SCAPER: variants seen among roughly 807,000 people sequenced by gnomAD.
SCAPER encodes S-phase cyclin A associated protein in the ER.
Under a neutral mutation model 182.2 loss-of-function variants are expected in SCAPER, and 98 were observed. The observed-to-expected ratio is 0.54, with a 90% confidence interval of 0.46 to 0.64. The LOEUF (loss-of-function observed/expected upper bound fraction) is 0.64. SCAPER is among the 30% of genes least tolerant of loss of function. SCAPER has a pLI of 0.00. For synonymous variants in SCAPER, 605 were observed against 564.6 expected, an observed-to-expected ratio of 1.07 and a Z score of -1.01; for missense variants, 1,432 against 1,690.0, an observed-to-expected ratio of 0.85 and a Z score of 2.68.
intron 21 of SCAPER, among the ~76,000 whole-genome samples, chr15:76,662,107 C>T (rs1448871581): frequency 6.6e-6 from 1 of 152,122 alleles, no homozygotes; most frequent in Non-Finnish European, 1.5e-5. Context: ...TGCATGTTCT[C>T]ACTCGTAAGT....
At chr15:76,470,090 T>C (rs954664560) in intron 25 of SCAPER, among the ~76,000 whole-genome samples, 2 of 152,174 alleles carry the variant, frequency 1.3e-5, no homozygotes, top group African/African-American at 4.8e-5. Flanking sequence ...TATGTCTGAC[T>C]GTAAGGGCTT....
chr15:76,768,997 G>A (rs1473817825), intron 10 of SCAPER, among the ~76,000 whole-genome samples: 1 of 152,072 alleles, frequency 6.6e-6, no homozygotes, highest in Non-Finnish European at 1.5e-5. Flanking sequence ...AGTGAAAGAA[G>A]TCAAGCAAAG....
intron 29 of SCAPER, among the ~76,000 whole-genome samples, chr15:76,372,259 T>A (rs2042234467): frequency 6.6e-6 from 1 of 152,188 alleles, no homozygotes; most frequent in African/African-American, 2.4e-5. Flanking sequence ...CCTCACTGTA[T>A]CCTCTTCTTC....
At chr15:76,903,368 T>C (rs1024064375) in intron 1 of SCAPER, among the ~76,000 whole-genome samples, 14 of 152,238 alleles carry the variant, frequency 9.2e-5, no homozygotes, top group African/African-American at 3.4e-4. Flanking sequence ...GTCTGCATGT[T>C]TGTGTTCTTC....
intron 2 of SCAPER, among the ~76,000 whole-genome samples, chr15:76,863,445 G>A (rs193258561): frequency 6.6e-5 from 10 of 152,274 alleles, no homozygotes; most frequent in Non-Finnish European, 1.2e-4. Flanking sequence ...TGGACTTTTA[G>A]CATTCCTGGA....
At chr15:76,712,058 T>G (rs2059613276) in intron 17 of SCAPER, among the ~76,000 whole-genome samples, 1 of 152,236 alleles carries the variant, frequency 6.6e-6, no homozygotes, top group African/African-American at 2.4e-5. Context: ...TTCTAGGGTT[T>G]TTATGGTTTT....
At chr15:76,552,686 T>C (rs1362451092) in intron 23 of SCAPER, among the ~76,000 whole-genome samples, 1 of 152,138 alleles carries the variant, frequency 6.6e-6, no homozygotes, top group Non-Finnish European at 1.5e-5. Flanking sequence ...ATACGCAGTC[T>C]AGGGGTTTGC....
At chr15:76,703,542 C>A (rs1312191667) in intron 18 of SCAPER, among the ~76,000 whole-genome samples, 1 of 152,148 alleles carries the variant, frequency 6.6e-6, no homozygotes, top group Non-Finnish European at 1.5e-5. Context: ...GGAAAAAACG[C>A]TATTTCAGAC....
At chr15:76,729,689 T>C (rs2060804955) in intron 16 of SCAPER, among the ~76,000 whole-genome samples, 1 of 152,108 alleles carries the variant, frequency 6.6e-6, no homozygotes, top group South Asian at 2.1e-4. Flanking sequence ...AGAAGATAAA[T>C]AATAATATGT....
intron 27 of SCAPER, among the ~76,000 whole-genome samples, chr15:76,391,670 T>C (rs189406033): frequency 1.3e-5 from 2 of 152,356 alleles, no homozygotes; most frequent in African/African-American, 2.4e-5. Flanking sequence ...GATCGTTCAC[T>C]AGTATTTGCT....
At chr15:76,625,911 T>C (rs575957167) in intron 21 of SCAPER, among the ~76,000 whole-genome samples, 1 of 151,884 alleles carries the variant, frequency 6.6e-6, no homozygotes, top group Non-Finnish European at 1.5e-5. Context: ...TCCAATCTTT[T>C]GGCTTCCCTG....
intron 25 of SCAPER, among the ~76,000 whole-genome samples, chr15:76,439,784 T>G (rs1048426533): frequency 7.9e-5 from 12 of 152,330 alleles, no homozygotes; most frequent in African/African-American, 2.9e-4. Context: ...CATGCATCAG[T>G]GTTTGTAACT....
intron 29 of SCAPER, among the ~76,000 whole-genome samples, chr15:76,372,153 T>C (rs2042229836): frequency 6.6e-6 from 1 of 152,126 alleles, no homozygotes. Context: ...ATTCCATCCT[T>C]CTGGGAGGCA....
At chr15:76,804,957 C>T (rs1343064862) in intron 5 of SCAPER, among the ~76,000 whole-genome samples, 1 of 151,978 alleles carries the variant, frequency 6.6e-6, no homozygotes, top group Non-Finnish European at 1.5e-5. Flanking sequence ...ACTTGTAGTC[C>T]CAGTCACTCC....
chr15:76,594,210 C>T (rs1191432320), intron 22 of SCAPER, among the ~76,000 whole-genome samples: 2 of 117,604 alleles, frequency 1.7e-5, no homozygotes, highest in African/African-American at 5.2e-5. Flanking sequence ...ATCAACCAAG[C>T]GGAAGAAAGG....
intron 24 of SCAPER, among the ~76,000 whole-genome samples, chr15:76,481,083 A>G (rs1400573789): frequency 6.6e-6 from 1 of 152,154 alleles, no homozygotes; most frequent in East Asian, 1.9e-4. Flanking sequence ...TTCTCAGCCA[A>G]TCTGGTTTAT....
intron 3 of SCAPER, among the ~76,000 whole-genome samples, chr15:76,860,755 T>A (rs1024688716): frequency 6.6e-6 from 1 of 152,128 alleles, no homozygotes; most frequent in Admixed American, 6.5e-5. Context: ...AGATAAAGAT[T>A]TAAAACATTC....
Position 76,765,567 on chromosome 15 carries a change from A to C in SCAPER, c.1491T>G (p.Tyr497Ter). 6.3e-7 allele frequency: 1 copy of C among 1,597,244 alleles called. No individual in the cohort carries two copies. Among genetic ancestry groups the C allele is most frequent in the South Asian group, 1.1e-5 (1 of 88,614 alleles). ...SMDWNDVLAD[Y>*]EARESWRQNT... ...CAATATGCATATACACAATACCTTC[A>C]TAATCTGCAAGGACATCGTTCCAGT... is the stretch of plus-strand genomic sequence containing the variant. Residue 497 changes from tyrosine to a stop codon, truncating the protein, a stop_gained, in exon 12 of 32, where the codon TAT (tyrosine) becomes TAG (stop). Transcript: ENST00000563290. LOFTEE classifies it high-confidence loss of function.
At position 76,551,258 on chromosome 15, in the gene SCAPER, C is replaced by G. The variant is rs1010223467; in HGVS notation, c.2838+22900G>C. The stretch of plus-strand genomic sequence containing the variant: ...AGTATGTCAAAGAAATATTTGCACT[C>G]CTATGTTTATTGCAGTACTATTCAA... On this transcript the variant is annotated intron_variant, in intron 23 of 31. Coordinates refer to ENST00000563290, the MANE Select transcript of SCAPER (RefSeq NM_020843.4). 2.0e-5 allele frequency among the ~76,000 whole-genome samples: 3 copies of G among 152,050 alleles called. No homozygotes were observed. The East Asian group carries it at 5.8e-4, about 29-fold the overall frequency.
Sources: gnomAD v4.1 joint callset for allele counts (sites outside exome capture counted in the v4.1 genomes callset) on GRCh38, gnomAD v4.1.1 for gene constraint, MANE v1.5 for transcripts, NCBI Gene and HGNC (gene_info 2026-07-23, HGNC 2026-07-21) for gene names.